The following RAB6B variants were observed in gnomAD, a reference collection of about 807,000 sequenced individuals.
The protein encoded by RAB6B is ras-related protein Rab-6B.
A neutral mutation model predicts 31.2 loss-of-function variants in RAB6B; 7 were observed. The ratio of observed to expected loss-of-function variants is 0.22; its 90% CI spans 0.13 to 0.42. The LOEUF (loss-of-function observed/expected upper bound fraction) is 0.42. Among genes scored for constraint, RAB6B ranks in the 10% least tolerant of loss-of-function variants. RAB6B has a pLI of 1.00. For missense variants in RAB6B, 149 were observed against 280.6 expected (o/e 0.53, Z 3.35); for synonymous variants, 105 against 104.9 (o/e 1.00, Z -0.01).
intron 4 of RAB6B, among the ~76,000 whole-genome samples, chr3:133,840,858 C>A (rs753350366): frequency 2.6e-5 from 4 of 152,192 alleles, no homozygotes; most frequent in East Asian, 1.9e-4. Flanking sequence ...GAGTCCTGCA[C>A]CCACAGCTGC....
intron 2 of RAB6B, among the ~76,000 whole-genome samples, chr3:133,842,771 G>A (rs115670107): frequency 0.011 from 1,623 of 152,236 alleles, 29 homozygotes; most frequent in African/African-American, 0.037. Flanking sequence ...ATAGCATCAC[G>A]GTCTGAATAG....
chr3:133,829,915 C>T (rs1412196678), intron 7 of RAB6B, among the ~76,000 whole-genome samples: 1 of 151,736 alleles, frequency 6.6e-6, no homozygotes, highest in African/African-American at 2.4e-5. Flanking sequence ...CTTTATTTTC[C>T]CCATGTGTGT....
intron 2 of RAB6B, among the ~76,000 whole-genome samples, chr3:133,851,787 C>G (rs1012177510): frequency 2.0e-5 from 3 of 152,204 alleles, no homozygotes; most frequent in Non-Finnish European, 4.4e-5. Context: ...AGCGAGGTCA[C>G]AGGAACTAAT....
intron 1 of RAB6B, among the ~76,000 whole-genome samples, chr3:133,878,910 T>C (rs1936431120): frequency 6.6e-6 from 1 of 152,200 alleles, no homozygotes; most frequent in African/African-American, 2.4e-5. Flanking sequence ...AGATCAACAA[T>C]ACAAGAAAGA....
chr3:133,835,142 G>A (rs528036353), intron 6 of RAB6B, among the ~76,000 whole-genome samples: 12 of 152,348 alleles, frequency 7.9e-5, no homozygotes, highest in African/African-American at 1.7e-4. Context: ...GCACAGTGGT[G>A]AGGCTTCTCT....
Position 133,834,657 on chromosome 3 carries a change from A to C in RAB6B, c.496-16T>G. The C allele has an allele frequency of 1.2e-6, 2 of 1,613,444 alleles. No individual in the cohort carries two copies. Among genetic ancestry groups the C allele is most frequent in the Non-Finnish European group, 1.7e-6 (2 of 1,179,406 alleles). ...GTCGAAAAAGCTGGAAAGATGAAGA[A>C]ATGCAGTGTGAACCCCAACCCTGGC... On this transcript the variant is annotated splice_polypyrimidine_tract_variant and intron_variant, in intron 6 of 7. Transcript: ENST00000285208.
At chr3:133,832,694 A>G (rs1935672970) in intron 7 of RAB6B, among the ~76,000 whole-genome samples, 1 of 152,200 alleles carries the variant, frequency 6.6e-6, no homozygotes, top group Non-Finnish European at 1.5e-5. Flanking sequence ...GCCTCGTGAG[A>G]GGCCCAGCAA....
chr3:133,874,399 G>A (rs2108009283), intron 1 of RAB6B, among the ~76,000 whole-genome samples: 1 of 152,306 alleles, frequency 6.6e-6, no homozygotes. Context: ...TTATTGCAGT[G>A]AATACTGTAG....
chr3:133,893,156 G>A (rs1293662945), intron 1 of RAB6B, among the ~76,000 whole-genome samples: 1 of 152,188 alleles, frequency 6.6e-6, no homozygotes, highest in Non-Finnish European at 1.5e-5. Context: ...CCAGTCACAA[G>A]CCCCAACTAT....
At position 133,895,508 on chromosome 3, in the gene RAB6B, G is replaced by C. The variant is rs1936696845; in HGVS notation, c.-42C>G. On this transcript the variant is annotated 5_prime_UTR_variant, in exon 1 of 8. Transcript: ENST00000285208. ...GCCGGGAGAGGAGGAGGAGGAAAAA[G>C]CGAAGGAGCAGGGAGGGGAGAGTAG... The C allele has an allele frequency of 2.5e-6, 4 of 1,600,164 alleles. No homozygotes were observed. In the East Asian group the frequency reaches 9.0e-5, roughly 36 times the overall value.
chr3:133,885,815 T>A (rs16841102), intron 1 of RAB6B: 8,584 of 589,056 alleles, frequency 0.015, 537 homozygotes, highest in African/African-American at 0.14. Context: ...ATCAAGAAAA[T>A]ATACATCTGC....
intron 4 of RAB6B, among the ~76,000 whole-genome samples, chr3:133,840,091 G>A (rs1377796479): frequency 6.6e-6 from 1 of 152,104 alleles, no homozygotes; most frequent in African/African-American, 2.4e-5. Context: ...GGGCCCTACT[G>A]AGTGGTGTCC....
chr3:133,884,086 A>G (rs1451697185), intron 1 of RAB6B, among the ~76,000 whole-genome samples: 1 of 152,254 alleles, frequency 6.6e-6, no homozygotes, highest in Non-Finnish European at 1.5e-5. Context: ...CTGCTCAAAG[A>G]GGCCAAGGGT....
In RAB6B at chr3:133,895,502, GA is replaced by G; in HGVS notation, c.-37del. 1 of 1,602,194 alleles carries G rather than the reference GA, an allele frequency of 6.2e-7. No individual in the cohort carries two copies. The highest frequency in any genetic ancestry group is 8.5e-7 in the Non-Finnish European group (1 of 1,171,050). ...GCCGGGGCCGGGAGAGGAGGAGGAG[GA>G]AAAAGCGAAGGAGCAGGGAGGGGAG... On this transcript the variant is annotated 5_prime_UTR_variant, in exon 1 of 8. Coordinates refer to ENST00000285208, the MANE Select transcript of RAB6B (RefSeq NM_016577.4).
At chr3:133,850,267 A>T (rs1490528888) in intron 2 of RAB6B, among the ~76,000 whole-genome samples, 2 of 152,230 alleles carry the variant, frequency 1.3e-5, no homozygotes, top group Non-Finnish European at 2.9e-5. Flanking sequence ...TCACAGGAAC[A>T]AACAGAATCC....
At chr3:133,870,166 C>T (rs1936295143) in intron 1 of RAB6B, among the ~76,000 whole-genome samples, 1 of 152,180 alleles carries the variant, frequency 6.6e-6, no homozygotes, top group Non-Finnish European at 1.5e-5. Flanking sequence ...AACTTACAAT[C>T]ATGGCAGAAG....
At chr3:133,893,460 A>AG (rs1319207417) in intron 1 of RAB6B, among the ~76,000 whole-genome samples, 1 of 152,136 alleles carries the variant, frequency 6.6e-6, no homozygotes, top group East Asian at 1.9e-4. Context: ...TTGGGAGCAA[A>AG]GGGGGTCTGT....
chr3:133,884,216 G>A (rs2108013847), intron 1 of RAB6B, among the ~76,000 whole-genome samples: 1 of 152,370 alleles, frequency 6.6e-6, no homozygotes, highest in South Asian at 2.1e-4. Flanking sequence ...CACTGCCTAT[G>A]CAGAAGAACA....
chr3:133,891,194 T>A (rs1559916064), intron 1 of RAB6B, among the ~76,000 whole-genome samples: 1 of 152,120 alleles, frequency 6.6e-6, no homozygotes, highest in Non-Finnish European at 1.5e-5. Flanking sequence ...TGGGGGCCAC[T>A]GAATGATCAT....
Sources: allele counts gnomAD v4.1 joint callset (sites outside exome capture counted in the v4.1 genomes callset), GRCh38; gene constraint gnomAD v4.1.1; transcripts MANE v1.5; gene names NCBI Gene and HGNC (gene_info 2026-07-23, HGNC 2026-07-21).